Variants in TAX1BP1 observed in about 807,000 individuals in gnomAD.
TAX1BP1 encodes Tax1 binding protein 1.
Under a neutral mutation model 97.7 loss-of-function variants are expected in TAX1BP1, and 62 were observed. The ratio of observed to expected loss-of-function variants is 0.63; its 90% CI spans 0.52 to 0.78. The LOEUF (loss-of-function observed/expected upper bound fraction) is 0.78. Among genes scored for constraint, TAX1BP1 ranks in the 30% least tolerant of loss-of-function variants. TAX1BP1 has a pLI of 0.00. For missense variants in TAX1BP1, 867 were observed against 916.1 expected (o/e 0.95, Z 0.69); for synonymous variants, 340 against 304.2 (o/e 1.12, Z -1.23).
At chr7:27,825,434 C>T (rs1251901720) in intron 15 of TAX1BP1, among the ~76,000 whole-genome samples, 1 of 152,078 alleles carries the variant, frequency 6.6e-6, no homozygotes, top group Non-Finnish European at 1.5e-5. Flanking sequence ...GTATTGGCTC[C>T]TTAGAGTGCT....
intron 9 of TAX1BP1, 81 bp from the exon 10 acceptor site, chr7:27,792,981 AAAGT>A (rs1789777888): frequency 7.8e-7 from 1 of 1,286,656 alleles, no homozygotes; most frequent in Non-Finnish European, 1.1e-6. Flanking sequence ...AAAAAGAAAA[AAAGT>A]AAGATTGAAG....
intron 7 of TAX1BP1, 93 bp downstream of exon 7, chr7:27,785,582 T>C (rs1335178850): frequency 2.9e-6 from 3 of 1,033,206 alleles, no homozygotes; most frequent in Non-Finnish European, 4.3e-6. Flanking sequence ...AGGAGCAGCT[T>C]AGCTGAGTGG....
At chr7:27,788,339 C>G (rs1174422947) in intron 8 of TAX1BP1, among the ~76,000 whole-genome samples, 1 of 152,014 alleles carries the variant, frequency 6.6e-6, no homozygotes, top group African/African-American at 2.4e-5. Context: ...CTACCTGTCT[C>G]TATATAGGTG....
intron 13 of TAX1BP1, 77 bp downstream of exon 13, chr7:27,800,167 TA>T: frequency 7.7e-7 from 1 of 1,298,966 alleles, no homozygotes. Context: ...TTATTCAATC[TA>T]ATGTACATTT....
At chr7:27,796,846 C>T (rs1035207445) in intron 12 of TAX1BP1, among the ~76,000 whole-genome samples, 6 of 150,722 alleles carry the variant, frequency 4.0e-5, no homozygotes, top group South Asian at 2.1e-4. Context: ...GGCAACAGAG[C>T]GAGTCTCTAA....
intron 4 of TAX1BP1, among the ~76,000 whole-genome samples, chr7:27,766,598 C>A (rs948958839): frequency 6.6e-6 from 1 of 151,948 alleles, no homozygotes; most frequent in East Asian, 1.9e-4. Flanking sequence ...CCTTATTTTG[C>A]GCATAGTGGA....
intron 5 of TAX1BP1, among the ~76,000 whole-genome samples, chr7:27,774,892 AGTC>A (rs1333187822): frequency 6.6e-6 from 1 of 152,184 alleles, no homozygotes; most frequent in Non-Finnish European, 1.5e-5. Flanking sequence ...AAAACTCAGC[AGTC>A]ATTTGTCTCC....
intron 1 of TAX1BP1, among the ~76,000 whole-genome samples, chr7:27,745,026 C>T (rs1407740011): frequency 6.6e-6 from 1 of 152,152 alleles, no homozygotes; most frequent in Non-Finnish European, 1.5e-5. Flanking sequence ...TTTTGTTTCC[C>T]AGCCAAATGT....
At position 27,794,458 on chromosome 7, in the gene TAX1BP1, T is replaced by C; in HGVS notation, c.1534+12T>C. The C allele has an allele frequency of 6.3e-7, 1 of 1,597,804 alleles. No individual in the cohort carries two copies. Among genetic ancestry groups the C allele is most frequent in the African/African-American group, 1.3e-5 (1 of 74,510 alleles). Reference sequence around the variant, plus strand: ...ATCACCTTCTGCAGGTAAAAATCTTTTAGACTTTTTGTGTAGGGTGTCCTA... The same window carrying C: ...ATCACCTTCTGCAGGTAAAAATCTTCTAGACTTTTTGTGTAGGGTGTCCTA... On this transcript the variant is annotated intron_variant, in intron 11 of 16. Coordinates refer to ENST00000396319, the MANE Select transcript of TAX1BP1 (RefSeq NM_006024.7).
intron 13 of TAX1BP1, among the ~76,000 whole-genome samples, chr7:27,810,994 ATC>A (rs1790538270): frequency 6.6e-6 from 1 of 151,914 alleles, no homozygotes; most frequent in African/African-American, 2.4e-5. Flanking sequence ...TTTTACCTTC[ATC>A]TCTATACGAG....
chr7:27,788,771 A>G (rs1007852568), intron 8 of TAX1BP1, among the ~76,000 whole-genome samples: 4 of 151,982 alleles, frequency 2.6e-5, no homozygotes, highest in Non-Finnish European at 5.9e-5. Context: ...TGTATGTTCT[A>G]ACTTCAGGTT....
At chr7:27,792,475 T>G (rs1734271016) in intron 9 of TAX1BP1, among the ~76,000 whole-genome samples, 1 of 152,194 alleles carries the variant, frequency 6.6e-6, no homozygotes, top group South Asian at 2.1e-4. Context: ...AATATATTGA[T>G]GTCAGATATG....
At chr7:27,794,212 T>G (rs1321220984) in intron 10 of TAX1BP1, 111 bp from the exon 11 acceptor site, 1 of 974,314 alleles carries the variant, frequency 1.0e-6, no homozygotes, top group African/African-American at 1.7e-5. Flanking sequence ...TTTGTGGACT[T>G]CTTAGGATTT....
At chr7:27,775,329 T>C (rs1469934268) in intron 5 of TAX1BP1, among the ~76,000 whole-genome samples, 2 of 152,202 alleles carry the variant, frequency 1.3e-5, no homozygotes, top group Non-Finnish European at 2.9e-5. Context: ...AAATTTTTCT[T>C]ATCAGAATAT....
Position 27,828,902 on chromosome 7 carries a change from T to C in TAX1BP1, c.*73T>C, listed in dbSNP as rs1259687019. ...AAAAACCACACCTAAAATAGACCAC[T>C]GAGGAGACCATAGAGCGGATGCTTT... On this transcript the variant is annotated 3_prime_UTR_variant, in exon 17 of 17. Transcript: ENST00000396319. 4 of 1,257,852 alleles carry C rather than the reference T, an allele frequency of 3.2e-6. No individual in the cohort carries two copies. The highest frequency in any genetic ancestry group is 4.4e-6 in the Non-Finnish European group (4 of 907,266). The allele number at this position is 1,257,852 out of a possible 1,614,324, so 77.9% of individuals were successfully genotyped here. A position where few individuals can be genotyped will look rare whatever the true frequency, so the allele number is the denominator to read the frequency against.
chr7:27,806,007 A>G (rs1447405672), intron 13 of TAX1BP1, among the ~76,000 whole-genome samples: 8 of 151,956 alleles, frequency 5.3e-5, no homozygotes, highest in Non-Finnish European at 1.2e-4. Flanking sequence ...TTGAATTTTT[A>G]GTTTTCCACA....
chr7:27,812,642 A>G (rs1314898022), intron 13 of TAX1BP1, among the ~76,000 whole-genome samples: 2 of 152,018 alleles, frequency 1.3e-5, no homozygotes, highest in African/African-American at 2.4e-5. Flanking sequence ...TTTATGATCT[A>G]TTTGTTTTTT....
intron 15 of TAX1BP1, among the ~76,000 whole-genome samples, chr7:27,826,700 T>G (rs184831095): frequency 1.7e-3 from 265 of 152,330 alleles, no homozygotes; most frequent in African/African-American, 6.1e-3. Context: ...TAAAAACTGC[T>G]GGGATGCAGC....
chr7:27,755,393 A>G (rs551842509), intron 2 of TAX1BP1, among the ~76,000 whole-genome samples: 90 of 151,762 alleles, frequency 5.9e-4, no homozygotes, highest in African/African-American at 2.1e-3. Flanking sequence ...CCTCTTCTCT[A>G]TTTCTTTCTT....
Sources: allele counts gnomAD v4.1 joint callset (sites outside exome capture counted in the v4.1 genomes callset), GRCh38; gene constraint gnomAD v4.1.1; transcripts MANE v1.5; gene names NCBI Gene and HGNC (gene_info 2026-07-23, HGNC 2026-07-21).